The following NFYC variants were observed in gnomAD, a reference collection of about 807,000 sequenced individuals.
NFYC encodes the protein CAAT box DNA-binding protein subunit C.
A neutral mutation model predicts 53.1 loss-of-function variants in NFYC; 25 were observed. The ratio of observed to expected loss-of-function variants is 0.47; its 90% CI spans 0.34 to 0.66. The LOEUF (loss-of-function observed/expected upper bound fraction) is 0.66, where lower values mean the gene tolerates loss of function less well. Ranked by LOEUF, NFYC falls within the 30% of genes least tolerant of loss-of-function variation. The pLI is 0.01. For synonymous variants in NFYC, 145 were observed against 152.6 expected (o/e 0.95, Z 0.37); for missense variants, 260 against 422.7 (o/e 0.62, Z 3.38).
At chr1:40,716,159 C>T (rs1644128161) in intron 1 of NFYC, among the ~76,000 whole-genome samples, 1 of 152,108 alleles carries the variant, frequency 6.6e-6, no homozygotes. Flanking sequence ...TTTGTGGAGA[C>T]TTTAAAAATG....
intron 1 of NFYC, among the ~76,000 whole-genome samples, chr1:40,716,447 A>T (rs953084579): frequency 5.4e-4 from 82 of 152,278 alleles, no homozygotes; most frequent in African/African-American, 1.9e-3. Flanking sequence ...TGAGTTAAGG[A>T]CAGGAAGGAG....
intron 4 of NFYC, among the ~76,000 whole-genome samples, chr1:40,752,595 G>A (rs1465866278): frequency 6.6e-6 from 1 of 151,682 alleles, no homozygotes; most frequent in Non-Finnish European, 1.5e-5. Flanking sequence ...TTTTTTATTT[G>A]GGAATTCAGA....
chr1:40,714,846 C>T lies in NFYC; in HGVS notation c.-9+22979C>T, dbSNP rs373446814. ...CTGTAATCCCAGCACTTTGGGAGGC[C>T]GAGGCAGGCAGATCACGAGGTCAGG... On this transcript the variant is annotated intron_variant, in intron 1 of 9. Coordinates refer to ENST00000447388, the MANE Select transcript of NFYC (RefSeq NM_014223.5). Among the ~76,000 whole-genome samples, 159 of 152,096 alleles carry T rather than the reference C, an allele frequency of 1.0e-3. 2 individuals carry two copies. In the South Asian group the frequency reaches 0.025, roughly 24 times the overall value.
intron 8 of NFYC, 53 bp from the exon 9 acceptor site, chr1:40,769,303 G>A (rs745410978): frequency 1.3e-6 from 2 of 1,573,360 alleles, no homozygotes; most frequent in East Asian, 2.2e-5. Context: ...TGGTGGGCTG[G>A]TGGATCAGAC....
intron 1 of NFYC, among the ~76,000 whole-genome samples, chr1:40,713,451 C>T (rs1376096780): frequency 5.3e-5 from 8 of 152,182 alleles, no homozygotes; most frequent in Admixed American, 5.2e-4. Context: ...GATGAGGTCT[C>T]CCTTTTAAAG....
intron 3 of NFYC, among the ~76,000 whole-genome samples, chr1:40,748,832 T>C (rs889085428): frequency 1.3e-5 from 2 of 152,236 alleles, no homozygotes; most frequent in Non-Finnish European, 2.9e-5. Flanking sequence ...ATAAGAATTA[T>C]CAGTTCCATT....
chr1:40,762,481 T>A (rs536735720), intron 6 of NFYC, among the ~76,000 whole-genome samples: 2 of 152,346 alleles, frequency 1.3e-5, no homozygotes, highest in South Asian at 4.1e-4. Flanking sequence ...ACTGACCCTT[T>A]CCATTTAATG....
chr1:40,751,499 G>A (rs898394410), intron 4 of NFYC, among the ~76,000 whole-genome samples: 1 of 152,056 alleles, frequency 6.6e-6, no homozygotes, highest in African/African-American at 2.4e-5. Flanking sequence ...TCGACCTCCT[G>A]GGCTCAAGTG....
intron 8 of NFYC, among the ~76,000 whole-genome samples, chr1:40,768,391 T>TA (rs1242469479): frequency 6.6e-6 from 1 of 152,152 alleles, no homozygotes; most frequent in African/African-American, 2.4e-5. Flanking sequence ...GGAACAATAG[T>TA]AAAAAATAGT....
At chr1:40,769,151 C>G in intron 8 of NFYC, 1 of 574,768 alleles carries the variant, frequency 1.7e-6, no homozygotes, top group Non-Finnish European at 3.2e-6. Flanking sequence ...CCAGGATTCT[C>G]GATGTCACTT....
rs576087507 is a variant in NFYC at position 40,758,460 on chromosome 1, T to C, written c.561+166T>C. The stretch of plus-strand genomic sequence containing the variant: ...CAGATTCAGCTACTGGGGTGAGATG[T>C]TACCCTAATCTCTCTGGACCCTGTT... On this transcript the variant is annotated intron_variant, in intron 6 of 9. Transcript: ENST00000447388. The C allele has an allele frequency of 1.2e-5, 9 of 735,004 alleles. No homozygotes were observed. In the South Asian group the frequency reaches 1.8e-4, roughly 15 times the overall value. 45.5% of individuals were successfully genotyped at this position (735,004 alleles called of 1,614,324 possible). A position where few individuals can be genotyped will look rare whatever the true frequency, so the allele number is the denominator to read the frequency against.
intron 8 of NFYC, 50 bp downstream of exon 8, chr1:40,766,753 G>T (rs1362672572): frequency 6.4e-7 from 1 of 1,572,604 alleles, no homozygotes; most frequent in Non-Finnish European, 8.8e-7. Flanking sequence ...GGAGCAGATG[G>T]CTTCTGACAG....
chr1:40,756,898 C>G (rs1322996670), intron 5 of NFYC, among the ~76,000 whole-genome samples: 2 of 152,190 alleles, frequency 1.3e-5, no homozygotes, highest in Admixed American at 6.5e-5. Flanking sequence ...GTAGAACAGA[C>G]AGTTAATTTG....
At chr1:40,764,739 T>C (rs1219438599) in intron 7 of NFYC, among the ~76,000 whole-genome samples, 2 of 152,200 alleles carry the variant, frequency 1.3e-5, no homozygotes, top group Non-Finnish European at 2.9e-5. Flanking sequence ...TTTATTTCCC[T>C]TTCAAAAACC....
At chr1:40,763,421 A>T (rs990627586) in intron 7 of NFYC, 4 of 454,328 alleles carry the variant, frequency 8.8e-6, no homozygotes, top group African/African-American at 6.0e-5. Flanking sequence ...ATCTCAGCTC[A>T]CTGCAGCTTC....
chr1:40,759,839 G>C (rs1042776642), intron 6 of NFYC, among the ~76,000 whole-genome samples: 2 of 152,082 alleles, frequency 1.3e-5, no homozygotes, highest in Non-Finnish European at 2.9e-5. Context: ...CAGCGTAGGG[G>C]ACCATCTACG....
chr1:40,754,914 T>G (rs543140133), intron 5 of NFYC, among the ~76,000 whole-genome samples: 1 of 152,308 alleles, frequency 6.6e-6, no homozygotes, highest in East Asian at 1.9e-4. Context: ...TTGCTTGGAT[T>G]TAGTTCTTTG....
At chr1:40,757,170 ATTGTTTTTG>A in intron 5 of NFYC, 1 of 261,626 alleles carries the variant, frequency 3.8e-6, no homozygotes, top group African/African-American at 2.2e-5. Flanking sequence ...CTGTGTTTTT[ATTGTTTTTG>A]TTGTCCCAGG....
At chr1:40,729,555 T>G (rs559832915) in intron 1 of NFYC, among the ~76,000 whole-genome samples, 4 of 152,350 alleles carry the variant, frequency 2.6e-5, no homozygotes, top group African/African-American at 9.6e-5. Context: ...ATAAAGCTGT[T>G]TGCTTTCTTA....
Sources: gnomAD v4.1 joint callset for allele counts (sites outside exome capture counted in the v4.1 genomes callset) on GRCh38, gnomAD v4.1.1 for gene constraint, MANE v1.5 for transcripts, NCBI Gene and HGNC (gene_info 2026-07-23, HGNC 2026-07-21) for gene names.